The following ZBTB7C variants were observed in gnomAD, a reference collection of about 807,000 sequenced individuals.
The protein encoded by ZBTB7C is zinc finger and BTB domain containing 7C, also known as zinc finger and BTB domain-containing protein 7C.
ZBTB7C carries 8 observed loss-of-function variants against 25.7 expected under a neutral mutation model. The ratio of observed to expected loss-of-function variants is 0.31; its 90% CI spans 0.18 to 0.56. The LOEUF (loss-of-function observed/expected upper bound fraction) is 0.56. Ranked by LOEUF, ZBTB7C falls within the 20% of genes least tolerant of loss-of-function variation. The probability of loss-of-function intolerance (pLI) is 0.91; values close to 1 mark genes in which losing one functional copy is unlikely to be tolerated. For synonymous variants in ZBTB7C, 394 were observed against 369.0 expected, an observed-to-expected ratio of 1.07 and a Z score of -0.78; for missense variants, 824 against 855.2, an observed-to-expected ratio of 0.96 and a Z score of 0.46.
chr18:48,122,423 GGTAT>G (rs1434350234), intron 3 of ZBTB7C, among the ~76,000 whole-genome samples: 2 of 152,156 alleles, frequency 1.3e-5, no homozygotes, highest in African/African-American at 4.8e-5. Flanking sequence ...GCTGCAGTAG[GGTAT>G]GAGGGAGGTG....
intron 3 of ZBTB7C, chr18:48,084,009 G>C: frequency 2.3e-6 from 1 of 443,006 alleles, no homozygotes; most frequent in Non-Finnish European, 3.0e-6. Flanking sequence ...CCTATGGAAG[G>C]TTTCCACACC....
chr18:48,254,741 A>G (rs1261226859), intron 2 of ZBTB7C, among the ~76,000 whole-genome samples: 1 of 151,502 alleles, frequency 6.6e-6, no homozygotes, highest in Non-Finnish European at 1.5e-5. Context: ...GCCCTTAAAA[A>G]CCCCAGTCCT....
intron 4 of ZBTB7C, among the ~76,000 whole-genome samples, chr18:48,036,689 G>A (rs2035986846): frequency 6.6e-6 from 1 of 152,208 alleles, no homozygotes. Flanking sequence ...CCCAGTCTCA[G>A]GAAGTGGCGT....
intron 3 of ZBTB7C, among the ~76,000 whole-genome samples, chr18:48,090,301 CA>C (rs1298755380): frequency 2.0e-5 from 3 of 152,202 alleles, no homozygotes; most frequent in African/African-American, 7.2e-5. Context: ...AGAGCTCTAC[CA>C]GGGGGCTTCG....
At chr18:48,128,763 A>G (rs192042642) in intron 3 of ZBTB7C, among the ~76,000 whole-genome samples, 6 of 152,356 alleles carry the variant, frequency 3.9e-5, no homozygotes, top group African/African-American at 1.4e-4. Flanking sequence ...TACGATGTAT[A>G]CTACTTGGGT....
intron 4 of ZBTB7C, among the ~76,000 whole-genome samples, chr18:48,036,039 G>A (rs577813172): frequency 5.8e-4 from 89 of 152,370 alleles, no homozygotes; most frequent in Admixed American, 1.4e-3. Context: ...AAGTGGCTAT[G>A]GGGTGACCAG....
chr18:48,395,795 G>A (rs1461687720), intron 1 of ZBTB7C, among the ~76,000 whole-genome samples: 1 of 152,174 alleles, frequency 6.6e-6, no homozygotes, highest in Non-Finnish European at 1.5e-5. Context: ...TTAGGGAAGT[G>A]CAATCCAGAA....
intron 2 of ZBTB7C, among the ~76,000 whole-genome samples, chr18:48,288,491 T>C (rs1204561614): frequency 1.1e-5 from 1 of 91,728 alleles, no homozygotes; most frequent in African/African-American, 4.6e-5. Flanking sequence ...CTACTAAAAG[T>C]ACAAAAAAAA....
chr18:48,119,531 T>C (rs71355331), intron 3 of ZBTB7C, among the ~76,000 whole-genome samples: 6,637 of 152,366 alleles, frequency 0.044, 183 homozygotes, highest in Non-Finnish European at 0.067. Context: ...CATTTCTCAT[T>C]TGTATTCTCA....
chr18:48,093,641 T>C (rs968347385), intron 3 of ZBTB7C, among the ~76,000 whole-genome samples: 2 of 151,648 alleles, frequency 1.3e-5, no homozygotes, highest in African/African-American at 4.8e-5. Flanking sequence ...CACACAGAGA[T>C]TCATCTTGAT....
intron 1 of ZBTB7C, among the ~76,000 whole-genome samples, chr18:48,395,167 T>A (rs1174242342): frequency 6.6e-6 from 1 of 152,000 alleles, no homozygotes; most frequent in Non-Finnish European, 1.5e-5. Context: ...ATAATATTAG[T>A]GATAGTCAAT....
At chr18:48,141,559 CTGG>C (rs143201505) in intron 3 of ZBTB7C, among the ~76,000 whole-genome samples, 3,114 of 152,006 alleles carry the variant, frequency 0.02, 111 homozygotes, top group African/African-American at 0.072. Flanking sequence ...AATTCGTGAA[CTGG>C]GCGGGGGGGA....
intron 1 of ZBTB7C, among the ~76,000 whole-genome samples, chr18:48,382,647 C>G (rs2047659097): frequency 6.6e-6 from 1 of 152,172 alleles, no homozygotes; most frequent in Non-Finnish European, 1.5e-5. Flanking sequence ...ATGCAGAAAC[C>G]CTAATAGAAT....
chr18:48,122,996 C>A (rs1024366757), intron 3 of ZBTB7C, among the ~76,000 whole-genome samples: 1 of 152,170 alleles, frequency 6.6e-6, no homozygotes, highest in Non-Finnish European at 1.5e-5. Flanking sequence ...ATCTATGGGG[C>A]TGGTCGAACT....
chr18:48,309,034 T>C (rs1006898171), intron 2 of ZBTB7C, among the ~76,000 whole-genome samples: 1 of 152,206 alleles, frequency 6.6e-6, no homozygotes, highest in African/African-American at 2.4e-5. Context: ...GCCAGGTCTC[T>C]GGCCATGGTC....
At chr18:48,218,315 T>A (rs2042873202) in intron 2 of ZBTB7C, among the ~76,000 whole-genome samples, 1 of 152,202 alleles carries the variant, frequency 6.6e-6, no homozygotes, top group Non-Finnish European at 1.5e-5. Context: ...TGACTGTGCC[T>A]CTGCTGGCTC....
chr18:48,308,921 A>G (rs1307291684), intron 2 of ZBTB7C, among the ~76,000 whole-genome samples: 2 of 151,710 alleles, frequency 1.3e-5, no homozygotes, highest in Admixed American at 6.5e-5. Context: ...TAAGTCAGAG[A>G]ACCAAAGCTT....
At chr18:48,187,457 A>G (rs2042083517) in intron 2 of ZBTB7C, among the ~76,000 whole-genome samples, 1 of 152,208 alleles carries the variant, frequency 6.6e-6, no homozygotes, top group Non-Finnish European at 1.5e-5. Context: ...GCCAGTCACA[A>G]AAAGACAAAT....
chr18:48,327,825 A>G (rs977475940), intron 2 of ZBTB7C, among the ~76,000 whole-genome samples: 13 of 151,946 alleles, frequency 8.6e-5, no homozygotes, highest in Non-Finnish European at 1.6e-4. Flanking sequence ...ACATGAGGTT[A>G]AATTAATTGT....
Sources: gnomAD v4.1 joint callset for allele counts (sites outside exome capture counted in the v4.1 genomes callset) on GRCh38, gnomAD v4.1.1 for gene constraint, MANE v1.5 for transcripts, NCBI Gene and HGNC (gene_info 2026-07-23, HGNC 2026-07-21) for gene names.